GPNMB: variants seen among roughly 807,000 people sequenced by gnomAD.
GPNMB encodes the protein glycoprotein nmb, also known as transmembrane glycoprotein NMB.
In GPNMB, 71 loss-of-function variants were observed where a neutral mutation model predicts 57.3. The observed-to-expected ratio is 1.24, with a 90% CI of 1.02 to 1.51. The LOEUF is 1.51. GPNMB is among the 40% of genes most tolerant of loss of function. GPNMB has a pLI of 0.00. For missense variants in GPNMB, 677 were observed against 691.9 expected (o/e 0.98, Z 0.24); for synonymous variants, 253 against 263.2 (o/e 0.96, Z 0.38).
chr7:23,262,644 C>T (rs1194056906), intron 6 of GPNMB, among the ~76,000 whole-genome samples: 2 of 100,670 alleles, frequency 2.0e-5, no homozygotes, highest in East Asian at 6.9e-4. Flanking sequence ...TTTGAGACAG[C>T]GTCTTGCTCT....
intron 3 of GPNMB, 22 bp downstream of exon 3, chr7:23,254,334 A>G (rs770111946): frequency 6.3e-7 from 1 of 1,598,718 alleles, no homozygotes; most frequent in East Asian, 2.2e-5. Context: ...GTATTCTCCT[A>G]AACTACTGGA....
chr7:23,247,211 T>G (rs889653164), intron 1 of GPNMB: 2 of 431,496 alleles, frequency 4.6e-6, no homozygotes, highest in African/African-American at 4.0e-5. Flanking sequence ...TGCCAGACAG[T>G]GGTTGGGGGA....
In GPNMB at chr7:23,254,290, CTA is replaced by C; in HGVS notation, c.347_348del (p.Tyr116Ter). ...QKEDANGNIVYEKNCRNEAGL... is the reference protein window; with the variant it reads ...QKEDANGNIVXEKNCRNEAGL... ...AGGAAGATGCCAATGGCAACATAGT[CTA>C]TGAGAAGAACTGCAGAAATGGTAAG... is the stretch of plus-strand genomic sequence containing the variant. On this transcript the variant is annotated frameshift_variant, in exon 3 of 11. Coordinates refer to ENST00000258733, the MANE Select transcript of GPNMB (RefSeq NM_002510.3). LOFTEE classifies it high-confidence loss of function. 1 of 1,613,100 alleles carries C rather than the reference CTA, an allele frequency of 6.2e-7. No individual in the cohort carries two copies. The highest frequency in any genetic ancestry group is 8.5e-7 in the Non-Finnish European group (1 of 1,179,094).
At chr7:23,269,794 T>G (rs929048804) in intron 8 of GPNMB, among the ~76,000 whole-genome samples, 173 bp from the exon 9 acceptor site, 1 of 152,230 alleles carries the variant, frequency 6.6e-6, no homozygotes, top group African/African-American at 2.4e-5. Context: ...CGCACAGGCT[T>G]GCTTAAGAGC....
chr7:23,269,382 G>T (rs941803040), intron 8 of GPNMB, among the ~76,000 whole-genome samples: 8 of 151,996 alleles, frequency 5.3e-5, no homozygotes, highest in Non-Finnish European at 1.5e-5. Context: ...GCAAAACTCT[G>T]TCTCAAAACA....
At chr7:23,273,227 C>G in intron 9 of GPNMB, 1 of 284,692 alleles carries the variant, frequency 3.5e-6, no homozygotes, top group Non-Finnish European at 6.5e-6. Context: ...TCACAGGAGC[C>G]CTTCCACACG....
Position 23,253,392 on chromosome 7 carries a change from T to G in GPNMB, c.156T>G (p.Asn52Lys). ...TAAATGGCTGGTCTTCTGATGAAAA[T>G]GACTGGAATGAAAAACTCTACCCAG... ...NQLNGWSSDE[N>K]DWNEKLYPVW... Residue 52 changes from asparagine (N) to lysine (K), a missense_variant, in exon 2 of 11, where the codon AAT (asparagine) becomes AAG (lysine). Asn to Lys is a moderately conservative substitution (Grantham distance 94). Transcript: ENST00000258733. The G allele has an allele frequency of 3.1e-6, 5 of 1,613,912 alleles. No homozygotes were observed. Among genetic ancestry groups the G allele is most frequent in the Non-Finnish European group, 2.5e-6 (3 of 1,179,838 alleles).
chr7:23,259,605 T>G (rs977977790), intron 4 of GPNMB, among the ~76,000 whole-genome samples: 2 of 152,204 alleles, frequency 1.3e-5, no homozygotes, highest in Non-Finnish European at 2.9e-5. Context: ...GGATAAATAA[T>G]TTTTTTAACT....
intron 1 of GPNMB, chr7:23,247,176 T>G: frequency 2.0e-6 from 1 of 506,948 alleles, no homozygotes; most frequent in East Asian, 3.6e-5. Context: ...GAAGCTTCTT[T>G]TCCATTGCAA....
intron 6 of GPNMB, among the ~76,000 whole-genome samples, chr7:23,262,338 T>G (rs1404843840): frequency 6.6e-6 from 1 of 152,184 alleles, no homozygotes; most frequent in African/African-American, 2.4e-5. Flanking sequence ...AGTTAAACCC[T>G]GTTAATAATT....
chr7:23,261,083 TTTTG>T (rs1379708096), intron 6 of GPNMB, among the ~76,000 whole-genome samples: 1 of 152,172 alleles, frequency 6.6e-6, no homozygotes, highest in African/African-American at 2.4e-5. Flanking sequence ...CCTGTCACAT[TTTTG>T]TTTATCTCCC....
At chr7:23,260,332 A>T (rs1298487280) in intron 5 of GPNMB, 124 bp from the exon 6 acceptor site, 40 of 1,053,122 alleles carry the variant, frequency 3.8e-5, no homozygotes, top group Non-Finnish European at 4.3e-5. Context: ...CTTGCATGTG[A>T]AAAGGAAAAT....
At chr7:23,259,169 T>C (rs1782851133) in intron 4 of GPNMB, among the ~76,000 whole-genome samples, 1 of 152,138 alleles carries the variant, frequency 6.6e-6, no homozygotes, top group South Asian at 2.1e-4. Flanking sequence ...CCATCCTCTA[T>C]TTCATCACTT....
rs2128486326 is a variant in GPNMB at position 23,274,594 on chromosome 7, G to C, written c.*370G>C. On this transcript the variant is annotated 3_prime_UTR_variant, in exon 11 of 11. Coordinates refer to ENST00000258733, the MANE Select transcript of GPNMB (RefSeq NM_002510.3). ...TGCAAGAAGAGGCGGGATACTTTCA[G>C]CTTTCCATGTAACTGTATGCATAAA... is the stretch of plus-strand genomic sequence containing the variant. The C allele has an allele frequency of 5.8e-6, 1 of 171,640 alleles. No homozygotes were observed. The highest frequency in any genetic ancestry group is 1.4e-4 in the South Asian group (1 of 7,334). 10.6% of individuals were successfully genotyped at this position (171,640 alleles called of 1,614,324 possible).
chr7:23,260,473 G>A lies in GPNMB; in HGVS notation c.718G>A (p.Val240Met), dbSNP rs1450798976. The A allele has an allele frequency of 1.9e-6, 3 of 1,612,072 alleles. No homozygotes were observed. Among genetic ancestry groups the A allele is most frequent in the Non-Finnish European group, 2.5e-6 (3 of 1,178,668 alleles). The change falls in exon 6 of 11, where the codon GTG becomes ATG. Residue 240 changes from valine to methionine, a missense_variant. Transcript: ENST00000258733. Reference protein sequence around the residue: ...YVVTDQIPVFVTMFQKNDRNS... With the variant: ...YVVTDQIPVFMTMFQKNDRNS... ...TCTTTTAGATCAGATTCCTGTGTTT[G>A]TGACTATGTTCCAGAAGAACGATCG...
At chr7:23,267,642 G>A (rs1442978089) in intron 7 of GPNMB, among the ~76,000 whole-genome samples, 1 of 152,170 alleles carries the variant, frequency 6.6e-6, no homozygotes, top group Non-Finnish European at 1.5e-5. Context: ...TCCTCATGTG[G>A]TGGAAGAGGC....
At chr7:23,266,337 C>A in intron 6 of GPNMB, 180 bp from the exon 7 acceptor site, 2 of 605,590 alleles carry the variant, frequency 3.3e-6, no homozygotes, top group South Asian at 2.1e-5. Context: ...TACCTTATAG[C>A]TCTCACATCT....
At chr7:23,252,952 G>A (rs1782692445) in intron 1 of GPNMB, among the ~76,000 whole-genome samples, 1 of 151,106 alleles carries the variant, frequency 6.6e-6, no homozygotes, top group South Asian at 2.1e-4. Context: ...GTTCAGAATG[G>A]GAAAAAAAAA....
rs745427300 is a variant in GPNMB, at chr7:23,266,542, G to A, written c.1044G>A (p.Glu348=). 1.2e-6 allele frequency: 2 copies of A among 1,613,570 alleles called. No homozygotes were observed. Among genetic ancestry groups the A allele is most frequent in the African/African-American group, 2.7e-5 (2 of 74,910 alleles). The stretch of plus-strand genomic sequence containing the variant: ...GACCTGCTGGTGACAACCCCCTGGA[G>A]CTGAGTAGGATTCCTGATGAAAACT... The part of the protein sequence containing the change: ...SLGPAGDNPL[E]LSRIPDENCQ... Residue 348 remains glutamate (E), a synonymous_variant, in exon 7 of 11, where the codon GAG becomes GAA. Coordinates refer to ENST00000258733, the MANE Select transcript of GPNMB (RefSeq NM_002510.3).
Sources: gnomAD v4.1 joint callset for allele counts (sites outside exome capture counted in the v4.1 genomes callset) on GRCh38, gnomAD v4.1.1 for gene constraint, MANE v1.5 for transcripts, NCBI Gene and HGNC (gene_info 2026-07-23, HGNC 2026-07-21) for gene names.